Variants in ENAM observed in about 807,000 individuals in gnomAD.
ENAM encodes enamelin.
A neutral mutation model predicts 33.6 loss-of-function variants in ENAM; 21 were observed. The observed-to-expected ratio is 0.63, with a 90% CI of 0.44 to 0.90. The LOEUF (loss-of-function observed/expected upper bound fraction) is 0.90. Ranked by LOEUF, ENAM falls within the 40% of genes least tolerant of loss-of-function variation. The pLI is 0.00. For synonymous variants in ENAM, 473 were observed against 468.4 expected, an observed-to-expected ratio of 1.01 and a Z score of -0.13; for missense variants, 1,388 against 1,366.9, an observed-to-expected ratio of 1.02 and a Z score of -0.24.
Position 70,644,900 on chromosome 4 carries a change from A to G in ENAM, c.*45A>G, listed in dbSNP as rs1230899766. ...TCTTGGGGAAAGAGAAATCACTGAC[A>G]TTCTATACCAATGGTTCCCAAAATT... On this transcript the variant is annotated 3_prime_UTR_variant, in exon 9 of 9. Transcript: ENST00000396073. 2 of 1,544,910 alleles carry G rather than the reference A, an allele frequency of 1.3e-6. No homozygotes were observed. The highest frequency in any genetic ancestry group is 2.7e-5 in the African/African-American group (2 of 73,534).
In ENAM at chr4:70,645,542, G is replaced by C. The variant is rs7665492; in HGVS notation, c.*687G>C. ...TGTCTACCTCCTCCATTATGTCTTC[G>C]TCTCTTCCAACCTATCTGTTCTGTC... On this transcript the variant is annotated 3_prime_UTR_variant, in exon 9 of 9. Transcript: ENST00000396073. The C allele has an allele frequency of 0.22, 33,265 of 151,274 alleles. 8,851 individuals carry two copies. The highest frequency in any genetic ancestry group is 0.64 in the African/African-American group (26,440 of 41,280). The allele number at this position is 151,274 out of a possible 1,614,324, so 9.4% of individuals were successfully genotyped here.
chr4:70,629,551 C>T lies in ENAM; in HGVS notation c.51C>T (p.Asn17=), dbSNP rs780052281. The T allele has an allele frequency of 1.9e-6, 3 of 1,610,778 alleles. 1 individual carries two copies. The highest frequency in any genetic ancestry group is 2.5e-6 in the Non-Finnish European group (3 of 1,177,176). ...RLGTSFPKLD[N]LVPKGKMKIL... is the part of the protein sequence containing the mutation. The stretch of plus-strand genomic sequence containing the variant: ...GAACCTCTTTTCCTAAACTAGATAA[C>T]TTGGTGAGTACTTTCATTTATTTTT... The change falls in exon 2 of 9, where the codon AAC becomes AAT. Residue 17 remains asparagine (N), a synonymous_variant. Transcript: ENST00000396073.
chr4:70,644,482 T>C lies in ENAM; in HGVS notation c.3056T>C (p.Leu1019Pro). 6.2e-7 allele frequency: 1 copy of C among 1,614,186 alleles called. No homozygotes were observed. The highest frequency in any genetic ancestry group is 2.2e-5 in the East Asian group (1 of 44,886). The change falls in exon 9 of 9, where the codon CTT becomes CCT. Residue 1019 changes from leucine to proline, a missense_variant. By Grantham distance (98) the Leu-to-Pro change is moderately conservative (BLOSUM62 -3). Transcript: ENST00000396073. ...ERTVDLTPEQ[L>P]VIGTPDEGSN... ...ACTGTTGACCTTACTCCTGAGCAGC[T>C]TGTTATTGGTACACCTGATGAAGGC...
intron 1 of ENAM, 103 bp from the exon 2 acceptor site, chr4:70,629,337 CT>C (rs1738249935): frequency 1.5e-6 from 1 of 667,054 alleles, no homozygotes; most frequent in Admixed American, 2.5e-5. Flanking sequence ...TTGTGGCCCC[CT>C]AATACAGGTA....
intron 6 of ENAM, among the ~76,000 whole-genome samples, chr4:70,635,030 G>GC (rs1214578558): frequency 6.6e-6 from 1 of 152,150 alleles, no homozygotes; most frequent in Non-Finnish European, 1.5e-5. Flanking sequence ...AAGGTAAGAA[G>GC]ATGTGCAAAT....
In ENAM at chr4:70,645,257, A is replaced by G. The variant is rs1277032087; in HGVS notation, c.*402A>G. 6.4e-6 allele frequency: 2 copies of G among 312,900 alleles called. No individual in the cohort carries two copies. Among genetic ancestry groups the G allele is most frequent in the East Asian group, 6.0e-5 (1 of 16,742 alleles). The allele number at this position is 312,900 out of a possible 1,614,324, so 19.4% of individuals were successfully genotyped here. The stretch of plus-strand genomic sequence containing the variant: ...TACTTATGGAGATCCACACATCAGT[A>G]TAGTCCTGATGCACTGTACGTTTTT... On this transcript the variant is annotated 3_prime_UTR_variant, in exon 9 of 9. Coordinates refer to ENST00000396073, the MANE Select transcript of ENAM (RefSeq NM_031889.3).
At position 70,643,075 on chromosome 4, in the gene ENAM, A is replaced by G; in HGVS notation, c.1649A>G (p.Glu550Gly). 1.9e-6 allele frequency: 3 copies of G among 1,614,104 alleles called. No homozygotes were observed. Among genetic ancestry groups the G allele is most frequent in the Non-Finnish European group, 2.5e-6 (3 of 1,180,004 alleles). The change falls in exon 9 of 9, where the codon GAG becomes GGG. Residue 550 changes from glutamate to glycine, a missense_variant. Physicochemically the swap from Glu to Gly is moderately conservative, Grantham distance 98. Coordinates refer to ENST00000396073, the MANE Select transcript of ENAM (RefSeq NM_031889.3). ...TCATATCAGCCTGCTGTATACCCTG[A>G]GGAAATCCCTTCTCCTGCAAAAGAA... ...HSSYQPAVYP[E>G]EIPSPAKEHF...
At position 70,635,909 on chromosome 4, in the gene ENAM, T is replaced by C. The variant is rs1738441150; in HGVS notation, c.534+15T>C. On this transcript the variant is annotated intron_variant, in intron 7 of 8. Coordinates refer to ENST00000396073, the MANE Select transcript of ENAM (RefSeq NM_031889.3). The stretch of plus-strand genomic sequence containing the variant: ...AAATTCCACAGGTGAGAAATTTTTT[T>C]TTCTTTACACTGTAAGTGAAAAATA... 6.7e-7 allele frequency: 1 copy of C among 1,488,610 alleles called. No homozygotes were observed. Among genetic ancestry groups the C allele is most frequent in the Admixed American group, 1.7e-5 (1 of 59,498 alleles). 92.2% of individuals were successfully genotyped at this position (1,488,610 alleles called of 1,614,324 possible).
Position 70,644,678 on chromosome 4 carries a change from G to T in ENAM, c.3252G>T (p.Gly1084=). The T allele has an allele frequency of 1.9e-6, 3 of 1,614,108 alleles. No homozygotes were observed. The highest frequency in any genetic ancestry group is 2.5e-6 in the Non-Finnish European group (3 of 1,180,020). The change falls in exon 9 of 9, where the codon GGG becomes GGT. Residue 1084 remains glycine, a synonymous_variant. Coordinates refer to ENST00000396073, the MANE Select transcript of ENAM (RefSeq NM_031889.3). The stretch of plus-strand genomic sequence containing the variant: ...ATGGAAGGCAAAGCCCATTTGATGG[G>T]GATTCAATTACGCCTACTGAAAATC... ...SSDGRQSPFD[G]DSITPTENPN... is the part of the protein sequence containing the mutation.
Position 70,645,122 on chromosome 4 carries a change from G to T in ENAM, c.*267G>T. The T allele has an allele frequency of 1.8e-6, 1 of 558,780 alleles. No individual in the cohort carries two copies. The highest frequency in any genetic ancestry group is 2.7e-5 in the South Asian group (1 of 37,508). 34.6% of individuals were successfully genotyped at this position (558,780 alleles called of 1,614,324 possible). ...ACCATCCCTGCCTCGAAACTTGCAAGTCACTTGTCTGAGTTAGTTTCCTTT... is the reference window on the plus strand; with the variant it reads ...ACCATCCCTGCCTCGAAACTTGCAATTCACTTGTCTGAGTTAGTTTCCTTT... On this transcript the variant is annotated 3_prime_UTR_variant, in exon 9 of 9. Coordinates refer to ENST00000396073, the MANE Select transcript of ENAM (RefSeq NM_031889.3).
intron 8 of ENAM, among the ~76,000 whole-genome samples, chr4:70,639,005 C>T (rs1057433329): frequency 6.6e-6 from 1 of 151,832 alleles, no homozygotes; most frequent in African/African-American, 2.4e-5. Flanking sequence ...CCATGTTGAC[C>T]AGACTAGTAT....
chr4:70,629,546 G>A lies in ENAM; in HGVS notation c.46G>A (p.Asp16Asn). The change falls in exon 2 of 9, where the codon GAT (aspartate) becomes AAT (asparagine). Residue 16 changes from aspartate (D) to asparagine (N), a missense_variant. Asp to Asn is a conservative substitution (Grantham distance 23, BLOSUM62 1). Coordinates refer to ENST00000396073, the MANE Select transcript of ENAM (RefSeq NM_031889.3). ...GCTTGGAACCTCTTTTCCTAAACTA[G>A]ATAACTTGGTGAGTACTTTCATTTA... Reference protein sequence around the residue: ...CRLGTSFPKLDNLVPKGKMKI... With the variant: ...CRLGTSFPKLNNLVPKGKMKI... 1 of 1,612,396 alleles carries A rather than the reference G, an allele frequency of 6.2e-7. No homozygotes were observed. The highest frequency in any genetic ancestry group is 8.5e-7 in the Non-Finnish European group (1 of 1,178,646).
In ENAM at chr4:70,644,982, C is replaced by T; in HGVS notation, c.*127C>T. On this transcript the variant is annotated 3_prime_UTR_variant, in exon 9 of 9. Coordinates refer to ENST00000396073, the MANE Select transcript of ENAM (RefSeq NM_031889.3). Reference sequence around the variant, plus strand: ...GTCTTGGTGATCCTTAAGTTTTCTCCCCTCTCAGCAATAGGAGTAGCGACC... The same window carrying T: ...GTCTTGGTGATCCTTAAGTTTTCTCTCCTCTCAGCAATAGGAGTAGCGACC... The T allele has an allele frequency of 1.2e-6, 1 of 803,030 alleles. No homozygotes were observed. Among genetic ancestry groups the T allele is most frequent in the Non-Finnish European group, 2.1e-6 (1 of 474,244 alleles). 49.7% of individuals were successfully genotyped at this position (803,030 alleles called of 1,614,324 possible). A position where few individuals can be genotyped will look rare whatever the true frequency, so the allele number is the denominator to read the frequency against.
chr4:70,641,149 A>G (rs1473417476), intron 8 of ENAM, among the ~76,000 whole-genome samples: 1 of 152,214 alleles, frequency 6.6e-6, no homozygotes, highest in Non-Finnish European at 1.5e-5. Flanking sequence ...TTGCTTAAAT[A>G]TAGAACATCG....
At chr4:70,639,950 G>C (rs1314872086) in intron 8 of ENAM, among the ~76,000 whole-genome samples, 1 of 152,184 alleles carries the variant, frequency 6.6e-6, no homozygotes, top group Admixed American at 6.5e-5. Flanking sequence ...GCATGATCTT[G>C]GGAGATATTT....
rs570647922 is a variant in ENAM, at chr4:70,629,231, C to A, written c.-60-210C>A. Reference sequence around the variant, plus strand: ...TAGTGAAGTCTAGTTTTGTCAACATCGCCCTAGAAGTATCTCAAAATACAG... The same window carrying A: ...TAGTGAAGTCTAGTTTTGTCAACATAGCCCTAGAAGTATCTCAAAATACAG... On this transcript the variant is annotated intron_variant, in intron 1 of 8. Transcript: ENST00000396073. Among the ~76,000 whole-genome samples, 6 of 152,202 alleles carry A rather than the reference C, an allele frequency of 3.9e-5. No individual in the cohort carries two copies. The East Asian group carries it at 1.2e-3, about 29-fold the overall frequency.
chr4:70,643,083 C>G lies in ENAM; in HGVS notation c.1657C>G (p.Pro553Ala), dbSNP rs1436521621. 2.5e-6 allele frequency: 4 copies of G among 1,613,898 alleles called. No homozygotes were observed. Among genetic ancestry groups the G allele is most frequent in the Non-Finnish European group, 3.4e-6 (4 of 1,179,988 alleles). ...YQPAVYPEEI[P>A]SPAKEHFPAG... ...GCCTGCTGTATACCCTGAGGAAATCCCTTCTCCTGCAAAAGAACATTTTCC... is the reference window on the plus strand; with the variant it reads ...GCCTGCTGTATACCCTGAGGAAATCGCTTCTCCTGCAAAAGAACATTTTCC... The change falls in exon 9 of 9, where the codon CCT becomes GCT. Residue 553 changes from proline (P) to alanine (A), a missense_variant. Pro to Ala is a conservative substitution (Grantham distance 27). Coordinates refer to ENST00000396073, the MANE Select transcript of ENAM (RefSeq NM_031889.3).
chr4:70,634,700 CA>C (rs1010705565), intron 6 of ENAM, 132 bp downstream of exon 6: 8 of 905,120 alleles, frequency 8.8e-6, no homozygotes, highest in Non-Finnish European at 1.4e-5. Context: ...GACATGCATC[CA>C]AAACTGCATG....
At chr4:70,631,646 A>G (rs766057773) in intron 2 of ENAM, 24 bp from the exon 3 acceptor site, 1 of 1,568,330 alleles carries the variant, frequency 6.4e-7, no homozygotes, top group Non-Finnish European at 8.8e-7. Flanking sequence ...CAGACCAAAA[A>G]TAAAAATCAA....
Sources: gnomAD v4.1 joint callset for allele counts (sites outside exome capture counted in the v4.1 genomes callset) on GRCh38, gnomAD v4.1.1 for gene constraint, MANE v1.5 for transcripts, NCBI Gene and HGNC (gene_info 2026-07-23, HGNC 2026-07-21) for gene names.